Variants in SNX17 observed in about 807,000 individuals in gnomAD.
SNX17 encodes the protein sorting nexin-17.
Under a neutral mutation model 64.3 loss-of-function variants are expected in SNX17, and 35 were observed. The ratio of observed to expected loss-of-function variants is 0.54; its 90% CI spans 0.42 to 0.72. The LOEUF (loss-of-function observed/expected upper bound fraction) is 0.72, where lower values mean the gene tolerates loss of function less well. Ranked by LOEUF, SNX17 falls within the 30% of genes least tolerant of loss-of-function variation. The probability of loss-of-function intolerance (pLI) is 0.00; values close to 1 mark genes in which losing one functional copy is unlikely to be tolerated. For missense variants in SNX17, 538 were observed against 610.0 expected (o/e 0.88, Z 1.24); for synonymous variants, 259 against 230.2 (o/e 1.13, Z -1.13).
intron 4 of SNX17, 100 bp downstream of exon 4, chr2:27,373,411 G>GGA: frequency 8.3e-7 from 1 of 1,198,902 alleles, no homozygotes; most frequent in Non-Finnish European, 1.2e-6. Context: ...TGCACAGGCT[G>GGA]GAGTGCAGTG....
At chr2:27,373,082 C>A (rs1289521627) in intron 3 of SNX17, 165 bp from the exon 4 acceptor site, 2 of 1,555,282 alleles carry the variant, frequency 1.3e-6, no homozygotes, top group Non-Finnish European at 1.7e-6. Context: ...AAGGGTGGGG[C>A]AGGTGAAGAA....
rs755731107 is a variant in SNX17, at chr2:27,375,546, T to G, written c.815T>G (p.Leu272Trp). ...CAGACGCTGCGGCACTATGGCTACT[T>G]GCGCTTTGATGCCTGTGTGGCTGAC... is the stretch of plus-strand genomic sequence containing the variant. ...LAQTLRHYGY[L>W]RFDACVADFP... Residue 272 changes from leucine (L) to tryptophan (W), a missense_variant, in exon 10 of 15, where the codon TTG becomes TGG. Physicochemically the swap from Leu to Trp is moderately conservative, Grantham distance 61 (BLOSUM62 -2). Around this residue, in one of 3 missense-constraint regions of SNX17, gnomAD observed 505 missense variants for 550.4 expected, o/e 0.92. Transcript: ENST00000233575. This position sits in a 1 kb window ranked among gnomAD's most constrained non-coding sequence, Gnocchi z 4.1. 2 of 1,614,090 alleles carry G rather than the reference T, an allele frequency of 1.2e-6. No homozygotes were observed. The highest frequency in any genetic ancestry group is 4.5e-5 in the East Asian group (2 of 44,900).
chr2:27,371,131 C>A, intron 1 of SNX17, 138 bp from the exon 2 acceptor site: 1 of 813,118 alleles, frequency 1.2e-6, no homozygotes, highest in Non-Finnish European at 2.0e-6. Flanking sequence ...GGACTTGGCC[C>A]TGGCGAAAAC....
At chr2:27,374,218 TAG>T (rs755843764) in intron 6 of SNX17, 43 bp downstream of exon 6, 2 of 1,595,622 alleles carry the variant, frequency 1.3e-6, no homozygotes, top group Non-Finnish European at 8.6e-7. Flanking sequence ...GGTACTTCAG[TAG>T]AGTTTGCAGC....
At chr2:27,372,990 T>C in intron 3 of SNX17, 1 of 1,492,554 alleles carries the variant, frequency 6.7e-7, no homozygotes, top group Non-Finnish European at 9.1e-7. Context: ...TGGAGAGAAC[T>C]TAATTTGTAT....
intron 1 of SNX17, 105 bp from the exon 2 acceptor site, chr2:27,371,164 T>A: frequency 9.9e-7 from 1 of 1,005,706 alleles, no homozygotes; most frequent in Non-Finnish European, 1.5e-6. Context: ...CCTCGGGAGA[T>A]TAGCGCGTTA....
chr2:27,370,833 G>T (rs1476582546), intron 1 of SNX17, 27 bp downstream of exon 1: 1 of 1,535,158 alleles, frequency 6.5e-7, no homozygotes, highest in Admixed American at 2.0e-5. Context: ...GCCGAGCCGG[G>T]CCGGGCAGGG....
At chr2:27,373,477 C>T (rs995148124) in intron 4 of SNX17, 166 bp downstream of exon 4, 2 of 656,270 alleles carry the variant, frequency 3.0e-6, no homozygotes, top group Non-Finnish European at 5.2e-6. Flanking sequence ...ATTCTCCTGC[C>T]TCAGCCTCCC....
rs1683297632 is a variant in SNX17, at chr2:27,376,838, C to T, written c.*119C>T. On this transcript the variant is annotated 3_prime_UTR_variant, in exon 15 of 15. Coordinates refer to ENST00000233575, the MANE Select transcript of SNX17 (RefSeq NM_014748.4). ...TTTCCTTCTTCTTTCCTACCTACCC[C>T]TTTTCTCTTGGCCAGGGGCCTCGTA... is the stretch of plus-strand genomic sequence containing the variant. 2.4e-6 allele frequency: 2 copies of T among 817,424 alleles called. No homozygotes were observed. Among genetic ancestry groups the T allele is most frequent in the South Asian group, 1.7e-5 (1 of 60,136 alleles). The allele number at this position is 817,424 out of a possible 1,614,324, so 50.6% of individuals were successfully genotyped here. A position where few individuals can be genotyped will look rare whatever the true frequency, so the allele number is the denominator to read the frequency against.
At chr2:27,371,217 G>T (rs774165834) in intron 1 of SNX17, 52 bp from the exon 2 acceptor site, 3 of 1,532,412 alleles carry the variant, frequency 2.0e-6, no homozygotes, top group Non-Finnish European at 2.7e-6. Flanking sequence ...GGTTCTCAGG[G>T]GGGTTGCGCA....
At chr2:27,376,026 G>A (rs1209942389) in intron 11 of SNX17, 55 bp downstream of exon 11, 6 of 1,613,640 alleles carry the variant, frequency 3.7e-6, no homozygotes, top group Admixed American at 1.7e-5. Flanking sequence ...AGAGTTTCCA[G>A]TACTCAATAT....
chr2:27,377,321 A>G lies in SNX17; in HGVS notation c.*602A>G. The stretch of plus-strand genomic sequence containing the variant: ...GGGCAGTCCCCCAGCCGGTTTGTCC[A>G]CAGCCCCTGGGGGCAGTGGAGGTGA... On this transcript the variant is annotated 3_prime_UTR_variant, in exon 15 of 15. Coordinates refer to ENST00000233575, the MANE Select transcript of SNX17 (RefSeq NM_014748.4). This position sits in a 1 kb window ranked among gnomAD's most constrained non-coding sequence, Gnocchi z 4.4. 1.5e-6 allele frequency: 1 copy of G among 679,536 alleles called. No homozygotes were observed. Among genetic ancestry groups the G allele is most frequent in the East Asian group, 2.7e-5 (1 of 36,872 alleles). 42.1% of individuals were successfully genotyped at this position (679,536 alleles called of 1,614,324 possible).
rs916340369 is a variant in SNX17 at position 27,370,631 on chromosome 2, C to T, written c.-113C>T. On this transcript the variant is annotated 5_prime_UTR_variant, in exon 1 of 15. Transcript: ENST00000233575. ...CGCCTTCCCACATCGGATCGCAGGG[C>T]TCCCAAAATGGCGAGTGAGGCTGCG... The T allele has an allele frequency of 9.6e-6, 14 of 1,457,104 alleles. No homozygotes were observed. The highest frequency in any genetic ancestry group is 1.9e-4 in the Middle Eastern group (1 of 5,270). The allele number at this position is 1,457,104 out of a possible 1,614,324, so 90.3% of individuals were successfully genotyped here. A position where few individuals can be genotyped will look rare whatever the true frequency, so the allele number is the denominator to read the frequency against.
At chr2:27,374,899 C>G in intron 8 of SNX17, 141 bp downstream of exon 8, 1 of 952,800 alleles carries the variant, frequency 1.0e-6, no homozygotes, top group African/African-American at 1.6e-5. Flanking sequence ...GGCACAATAT[C>G]TACTCTCCCT....
At position 27,376,489 on chromosome 2, in the gene SNX17, A is replaced by G; in HGVS notation, c.1268A>G (p.Asp423Gly). Reference protein sequence around the residue: ...VKSPPLLESPDATRESMVKLS... With the variant: ...VKSPPLLESPGATRESMVKLS... ...CCTCTTCTTCCCCAGGAGTCACCTG[A>G]TGCCACCCGGGAGTCTATGGTCAAA... The change falls in exon 14 of 15, where the codon GAT (aspartate) becomes GGT (glycine). Residue 423 changes from aspartate (D) to glycine (G), a missense_variant. By Grantham distance (94) the Asp-to-Gly change is moderately conservative. Transcript: ENST00000233575. 1 of 1,614,094 alleles carries G rather than the reference A, an allele frequency of 6.2e-7. No individual in the cohort carries two copies. The highest frequency in any genetic ancestry group is 8.5e-7 in the Non-Finnish European group (1 of 1,180,020).
At chr2:27,372,509 G>T (rs954404399) in intron 2 of SNX17, 114 bp from the exon 3 acceptor site, 3 of 1,466,098 alleles carry the variant, frequency 2.0e-6, no homozygotes, top group East Asian at 4.6e-5. Context: ...GTAGACAGGG[G>T]AACAGGGACT....
At position 27,375,010 on chromosome 2, in the gene SNX17, T is replaced by C. The variant is rs1244148099; in HGVS notation, c.682-51T>C. On this transcript the variant is annotated intron_variant, in intron 8 of 14. Transcript: ENST00000233575. This position sits in a 1 kb window ranked among gnomAD's most constrained non-coding sequence, Gnocchi z 4.1. ...ACAGAGGTAATGGTAGACGCTTTCC[T>C]TGGATTGCTGACTGGGACCTCCTAC... 5.2e-6 allele frequency: 8 copies of C among 1,542,110 alleles called. No homozygotes were observed. In the African/African-American group the frequency reaches 9.5e-5, roughly 18 times the overall value.
intron 3 of SNX17, 143 bp from the exon 4 acceptor site, chr2:27,373,104 A>G: frequency 6.4e-7 from 1 of 1,573,472 alleles, no homozygotes. Flanking sequence ...TTATGCAAAC[A>G]GTGAGTGAGG....
rs1005641946 is a variant in SNX17 at position 27,375,365 on chromosome 2, C to T, written c.775-141C>T. 7.5e-6 allele frequency: 7 copies of T among 934,236 alleles called. No individual in the cohort carries two copies. The highest frequency in any genetic ancestry group is 6.4e-5 in the Admixed American group (3 of 46,964). The allele number at this position is 934,236 out of a possible 1,614,324, so 57.9% of individuals were successfully genotyped here. A position where few individuals can be genotyped will look rare whatever the true frequency, so the allele number is the denominator to read the frequency against. On this transcript the variant is annotated intron_variant, in intron 9 of 14. Coordinates refer to ENST00000233575, the MANE Select transcript of SNX17 (RefSeq NM_014748.4). The surrounding 1 kb of genome is among the most constrained non-coding windows in gnomAD (Gnocchi z 4.1). ...ATGTTAGCCAGGATGGTCTTGAGCT[C>T]CTGACCTTGTGATCTGTCTGCCTCT...
Sources: gnomAD v4.1 joint callset for allele counts on GRCh38, gnomAD v4.1.1 for gene constraint, gnomAD v4.1.1 regional missense constraint, Gnocchi (gnomAD v3.1) non-coding constraint, MANE v1.5 for transcripts, NCBI Gene and HGNC (gene_info 2026-07-23, HGNC 2026-07-21) for gene names.